Variants in DEPDC1B observed in about 807,000 individuals in gnomAD.
The protein encoded by DEPDC1B is DEP domain containing 1B, also known as DEP domain-containing protein 1B.
DEPDC1B carries 51 observed loss-of-function variants against 66.5 expected under a neutral mutation model. The ratio of observed to expected loss-of-function variants is 0.77; its 90% CI spans 0.61 to 0.97. The LOEUF (loss-of-function observed/expected upper bound fraction) is 0.97. Ranked by LOEUF, DEPDC1B falls within the 50% of genes least tolerant of loss-of-function variation. The pLI is 0.00. For missense variants in DEPDC1B, 552 were observed against 637.1 expected (o/e 0.87, Z 1.44); for synonymous variants, 226 against 223.6 (o/e 1.01, Z -0.10).
chr5:60,600,652 T>C (rs1271518372), intron 9 of DEPDC1B, among the ~76,000 whole-genome samples: 1 of 152,216 alleles, frequency 6.6e-6, no homozygotes, highest in Non-Finnish European at 1.5e-5. Flanking sequence ...AATGAATCAC[T>C]ACTGATTTTA....
At position 60,668,259 on chromosome 5, in the gene DEPDC1B, A is replaced by ATATATATATATATAAAATGGATAT. The variant is rs1561385201; in HGVS notation, c.314+18702_314+18703insATATCCATTTTATATATATATATA. Among the ~76,000 whole-genome samples, 65 of 37,912 alleles carry ATATATATATATATAAAATGGATAT rather than the reference A, an allele frequency of 1.7e-3. 2 individuals are homozygous for ATATATATATATATAAAATGGATAT. The highest frequency in any genetic ancestry group is 5.1e-3 in the African/African-American group (64 of 12,440). 24.9% of individuals were successfully genotyped at this position (37,912 alleles called of 152,430 possible). Reference sequence around the variant, plus strand: ...TATATATATATATAAAATGGATATTATATATATATATATATATATGTATTT... The same window carrying ATATATATATATATAAAATGGATAT: ...TATATATATATATAAAATGGATATTATATATATATATATAAAATGGATATTATATATATATATATATATGTATTT... On this transcript the variant is annotated intron_variant, in intron 2 of 10. Coordinates refer to ENST00000265036, the MANE Select transcript of DEPDC1B (RefSeq NM_018369.3).
chr5:60,658,206 T>C (rs917672278), intron 2 of DEPDC1B, among the ~76,000 whole-genome samples: 2 of 152,204 alleles, frequency 1.3e-5, no homozygotes, highest in African/African-American at 2.4e-5. Flanking sequence ...TCCTGTATCA[T>C]TTTTTAAATT....
chr5:60,625,462 A>G (rs1752791124), intron 7 of DEPDC1B, among the ~76,000 whole-genome samples: 1 of 152,098 alleles, frequency 6.6e-6, no homozygotes, highest in Admixed American at 6.5e-5. Flanking sequence ...TTTATTGGTT[A>G]GAAGCAAGTA....
intron 7 of DEPDC1B, among the ~76,000 whole-genome samples, chr5:60,625,139 C>T (rs1008126681): frequency 6.6e-6 from 1 of 152,150 alleles, no homozygotes; most frequent in African/African-American, 2.4e-5. Context: ...TTCATCCAGT[C>T]TATCACTGAT....
At position 60,666,477 on chromosome 5, in the gene DEPDC1B, C is replaced by CT. The variant is rs59466255; in HGVS notation, c.315-18945dup. Among the ~76,000 whole-genome samples the CT allele has an allele frequency of 7.7e-3, 1,165 of 152,248 alleles. 17 individuals carry two copies. Among genetic ancestry groups the CT allele is most frequent in the African/African-American group, 0.027 (1,108 of 41,542 alleles). On this transcript the variant is annotated intron_variant, in intron 2 of 10. Transcript: ENST00000265036. ...CCCCATAACACCTCGATGTGGTACT[C>CT]TCCCCTTTTCCCTAAGGATGGGCTT...
At chr5:60,634,705 T>TAAATAAATAAATAA (rs1334275304) in intron 7 of DEPDC1B, among the ~76,000 whole-genome samples, 1 of 131,458 alleles carries the variant, frequency 7.6e-6, no homozygotes, top group African/African-American at 3.5e-5. Context: ...TAAATAAATA[T>TAAATAAATAAATAA]AAAAATAAAT....
chr5:60,648,292 G>A (rs1753367633), intron 2 of DEPDC1B: 1 of 152,120 alleles, frequency 6.6e-6, no homozygotes, highest in Non-Finnish European at 1.5e-5. Context: ...AGGCATCTAA[G>A]CAGACTTCAT....
At chr5:60,661,887 G>A (rs1411746831) in intron 2 of DEPDC1B, among the ~76,000 whole-genome samples, 3 of 152,150 alleles carry the variant, frequency 2.0e-5, no homozygotes, top group Non-Finnish European at 4.4e-5. Flanking sequence ...TAACTTGCGT[G>A]CTAGAAGGAC....
At chr5:60,631,339 G>A (rs188097306) in intron 7 of DEPDC1B, among the ~76,000 whole-genome samples, 17 of 152,328 alleles carry the variant, frequency 1.1e-4, no homozygotes, top group Admixed American at 9.2e-4. Context: ...CAGCTGTAAC[G>A]ACGAAGACTC....
intron 2 of DEPDC1B, among the ~76,000 whole-genome samples, chr5:60,686,216 A>G (rs984529357): frequency 1.3e-5 from 2 of 152,222 alleles, no homozygotes; most frequent in Non-Finnish European, 1.5e-5. Context: ...GAAAGCACGT[A>G]ATAAGGGTCC....
At chr5:60,614,972 C>T (rs1259234872) in intron 7 of DEPDC1B, among the ~76,000 whole-genome samples, 1 of 152,070 alleles carries the variant, frequency 6.6e-6, no homozygotes, top group Non-Finnish European at 1.5e-5. Context: ...GCCTGGGTGA[C>T]AGAGCAAGAC....
intron 1 of DEPDC1B, among the ~76,000 whole-genome samples, chr5:60,698,424 G>C (rs538332709): frequency 6.6e-6 from 1 of 152,194 alleles, no homozygotes; most frequent in African/African-American, 2.4e-5. Context: ...AGACCACTAC[G>C]TGAAGATGCC....
rs1040102417 is a variant in DEPDC1B at position 60,653,737 on chromosome 5, G to C, written c.315-6204C>G. 8.4e-5 allele frequency among the ~76,000 whole-genome samples: 11 copies of C among 131,630 alleles called. 3 individuals carry two copies. The highest frequency in any genetic ancestry group is 3.0e-4 in the African/African-American group (9 of 30,214). The allele number at this position is 131,630 out of a possible 152,430, so 86.4% of individuals were successfully genotyped here. A position where few individuals can be genotyped will look rare whatever the true frequency, so the allele number is the denominator to read the frequency against. On this transcript the variant is annotated intron_variant, in intron 2 of 10. Transcript: ENST00000265036. ...ATGTTCTGCGATTTTTATGATTTCA[G>C]GTCTTATATTTAAGTCTTTAATCCA...
At chr5:60,663,325 C>G (rs1307177223) in intron 2 of DEPDC1B, among the ~76,000 whole-genome samples, 1 of 152,114 alleles carries the variant, frequency 6.6e-6, no homozygotes, top group Non-Finnish European at 1.5e-5. Context: ...CCTAAAAGCC[C>G]AAGGCCTAGT....
chr5:60,695,373 A>C (rs1754631154), intron 1 of DEPDC1B, among the ~76,000 whole-genome samples: 1 of 152,138 alleles, frequency 6.6e-6, no homozygotes, highest in African/African-American at 2.4e-5. Context: ...CAAGGGGGGA[A>C]CAAGAGAGAG....
intron 6 of DEPDC1B, among the ~76,000 whole-genome samples, chr5:60,640,004 T>G (rs891031109): frequency 1.3e-5 from 2 of 152,186 alleles, no homozygotes; most frequent in African/African-American, 4.8e-5. Flanking sequence ...AAAAGGACAT[T>G]AAAGCATTCT....
intron 7 of DEPDC1B, among the ~76,000 whole-genome samples, chr5:60,635,734 AT>A (rs1753030261): frequency 3.3e-5 from 5 of 152,212 alleles, no homozygotes; most frequent in Non-Finnish European, 7.3e-5. Context: ...AGCAGTTTGT[AT>A]CACCAAAAAT....
chr5:60,603,826 CATATAT>C (rs34747463), intron 8 of DEPDC1B, among the ~76,000 whole-genome samples: 13 of 146,090 alleles, frequency 8.9e-5, no homozygotes, highest in African/African-American at 3.1e-4. Context: ...TTTAAATATA[CATATAT>C]ATATATATAT....
intron 2 of DEPDC1B, among the ~76,000 whole-genome samples, chr5:60,666,432 G>A (rs1753841803): frequency 6.6e-6 from 1 of 152,124 alleles, no homozygotes. Flanking sequence ...CATCTTGGGA[G>A]CTCTAAGAAC....
Sources: allele counts gnomAD v4.1 joint callset (sites outside exome capture counted in the v4.1 genomes callset), GRCh38; gene constraint gnomAD v4.1.1; transcripts MANE v1.5; gene names NCBI Gene and HGNC (gene_info 2026-07-23, HGNC 2026-07-21).